The following PMFBP1 variants were observed in gnomAD, a reference collection of about 807,000 sequenced individuals.
PMFBP1 encodes polyamine-modulated factor 1-binding protein 1.
Under a neutral mutation model 137.8 loss-of-function variants are expected in PMFBP1, and 131 were observed. The ratio of observed to expected loss-of-function variants is 0.95; its 90% CI spans 0.82 to 1.10. The LOEUF is 1.10. Among genes scored for constraint, PMFBP1 ranks in the 50% least tolerant of loss-of-function variants. The pLI, the probability that PMFBP1 is intolerant of heterozygous loss-of-function variation, is 0.00. For missense variants in PMFBP1, 1,199 were observed against 1,175.4 expected, an observed-to-expected ratio of 1.02 and a Z score of -0.29; for synonymous variants, 490 against 450.4, an observed-to-expected ratio of 1.09 and a Z score of -1.11.
the PMFBP1 span, among the ~76,000 whole-genome samples, chr16:72,246,155 T>C: frequency 1.3e-5 from 2 of 152,212 alleles, no homozygotes; most frequent in Non-Finnish European, 2.9e-5. Context: ...CTAAGAAAAG[T>C]ACATTAACAG....
chr16:72,249,836 G>A, the PMFBP1 span, among the ~76,000 whole-genome samples: 3 of 135,304 alleles, frequency 2.2e-5, 1 homozygote, highest in Middle Eastern at 8.3e-3. Context: ...CAGGAGAATC[G>A]TTTGAACCCG....
At chr16:72,161,040 T>A (rs1362924364) in intron 3 of PMFBP1, among the ~76,000 whole-genome samples, 5 of 152,220 alleles carry the variant, frequency 3.3e-5, no homozygotes, top group Admixed American at 2.6e-4. Context: ...GTAAGTGAGA[T>A]ATTTCCTTTG....
At chr16:72,201,656 C>T in the PMFBP1 span, among the ~76,000 whole-genome samples, 2 of 152,348 alleles carry the variant, frequency 1.3e-5, no homozygotes, top group African/African-American at 4.8e-5. Flanking sequence ...CAGTGCATTT[C>T]CCACTTATAT....
the PMFBP1 span, among the ~76,000 whole-genome samples, chr16:72,194,813 C>T: frequency 6.6e-6 from 1 of 152,186 alleles, no homozygotes; most frequent in Admixed American, 6.5e-5. Flanking sequence ...GGGCAGAGAA[C>T]ACACCTCAGA....
the PMFBP1 span, among the ~76,000 whole-genome samples, chr16:72,238,607 T>G: frequency 6.6e-6 from 1 of 152,218 alleles, no homozygotes; most frequent in Non-Finnish European, 1.5e-5. Context: ...ATTATATATC[T>G]TGAGCTTTCA....
chr16:72,140,528 T>A lies in PMFBP1; in HGVS notation c.691A>T (p.Met231Leu). 1 of 1,613,494 alleles carries A rather than the reference T, an allele frequency of 6.2e-7. No individual in the cohort carries two copies. Among genetic ancestry groups the A allele is most frequent in the Non-Finnish European group, 8.5e-7 (1 of 1,179,400 alleles). ...SKVRIYTSPC[M>L]IQEHQETQKR... ...TGAGTCTCCTGATGCTCTTGAATCA[T>A]GCAAGGAGAAGTGTATATCCGTACC... is the stretch of plus-strand genomic sequence containing the variant. The change falls in exon 6 of 21, where the codon ATG (methionine) becomes TTG (leucine). Residue 231 changes from methionine (M) to leucine (L), a missense_variant. Transcript: ENST00000237353.
rs1469306969 is a variant in PMFBP1, at chr16:72,125,248, C to T, written c.2411G>A (p.Ser804Asn). 1.2e-6 allele frequency: 2 copies of T among 1,613,220 alleles called. No individual in the cohort carries two copies. The highest frequency in any genetic ancestry group is 1.7e-6 in the Non-Finnish European group (2 of 1,179,766). ...LRKLRGFHQE[S>N]ELEVHAFDKK... is the part of the protein sequence containing the mutation. Reference sequence around the variant, plus strand: ...CTGGCAGCTCCTCACCTCCAGCTCACTCTCCTGGTGGAAGCCCCGCAGTTT... The same window carrying T: ...CTGGCAGCTCCTCACCTCCAGCTCATTCTCCTGGTGGAAGCCCCGCAGTTT... The change falls in exon 16 of 21, where the codon AGT (serine) becomes AAT (asparagine). Residue 804 changes from serine (S) to asparagine (N), a missense_variant. Transcript: ENST00000237353.
the PMFBP1 span, among the ~76,000 whole-genome samples, chr16:72,229,442 CA>C: frequency 6.6e-6 from 1 of 152,210 alleles, no homozygotes. Context: ...CTGCTTTCCA[CA>C]AGGGCTGAAC....
At chr16:72,226,050 A>G in the PMFBP1 span, among the ~76,000 whole-genome samples, 1 of 151,994 alleles carries the variant, frequency 6.6e-6, no homozygotes, top group South Asian at 2.1e-4. Flanking sequence ...AGTTCTTCCT[A>G]TGAGCACTTT....
chr16:72,195,228 T>C, the PMFBP1 span, among the ~76,000 whole-genome samples: 5 of 152,216 alleles, frequency 3.3e-5, no homozygotes, highest in Non-Finnish European at 1.5e-5. Flanking sequence ...CAATAGGTCA[T>C]CTTTGCACCA....
chr16:72,124,710 C>A, intron 17 of PMFBP1, 57 bp downstream of exon 17: 2 of 1,580,562 alleles, frequency 1.3e-6, no homozygotes, highest in South Asian at 2.3e-5. Flanking sequence ...TTTGGGTGGT[C>A]ATAGGATGTG....
the PMFBP1 span, among the ~76,000 whole-genome samples, chr16:72,204,307 C>T: frequency 6.6e-6 from 1 of 151,916 alleles, no homozygotes; most frequent in Admixed American, 6.6e-5. Context: ...TCTGCCTCAG[C>T]CTTTTGAGCT....
chr16:72,130,194 A>G lies in PMFBP1; in HGVS notation c.1782+19T>C. ...AGCAGAGCAAGCACTTGAATGGGCC[A>G]TCTGCCTGCCCGTCATACCTGGTGC... On this transcript the variant is annotated intron_variant, in intron 12 of 20. Coordinates refer to ENST00000237353, the MANE Select transcript of PMFBP1 (RefSeq NM_031293.3). 6.2e-7 allele frequency: 1 copy of G among 1,609,644 alleles called. No homozygotes were observed. The highest frequency in any genetic ancestry group is 8.5e-7 in the Non-Finnish European group (1 of 1,179,956).
the PMFBP1 span, chr16:72,225,116 T>C: frequency 3.9e-5 from 6 of 152,192 alleles, no homozygotes; most frequent in Admixed American, 3.9e-4. Flanking sequence ...TCTGGTCCAG[T>C]GTTCTTTGCT....
chr16:72,222,404 A>G, the PMFBP1 span, among the ~76,000 whole-genome samples: 2 of 151,986 alleles, frequency 1.3e-5, no homozygotes, highest in African/African-American at 4.8e-5. Context: ...TCCTCCTTCT[A>G]TCTCTTATTT....
chr16:72,122,457 G>C (rs934138580), intron 19 of PMFBP1, among the ~76,000 whole-genome samples: 13 of 152,178 alleles, frequency 8.5e-5, no homozygotes, highest in African/African-American at 3.1e-4. Context: ...GACCATGAGG[G>C]GAAGCAAGAC....
intron 3 of PMFBP1, among the ~76,000 whole-genome samples, chr16:72,159,941 A>G (rs2043037411): frequency 6.6e-6 from 1 of 152,212 alleles, no homozygotes; most frequent in African/African-American, 2.4e-5. Context: ...TAAAATGACC[A>G]TCTGGAGTGA....
In PMFBP1 at chr16:72,122,296, T is replaced by C. The variant is rs2042387750; in HGVS notation, c.2768+618A>G. Among the ~76,000 whole-genome samples, 4 of 152,346 alleles carry C rather than the reference T, an allele frequency of 2.6e-5. No homozygotes were observed. The South Asian group carries it at 8.3e-4, about 32-fold the overall frequency. On this transcript the variant is annotated intron_variant, in intron 19 of 20. Transcript: ENST00000237353. ...GCATGGTTGTTTTCTAAGTGTTCCC[T>C]AAGAAAAGGTTGGGAAGCGCTGTCC...
chr16:72,169,998 G>C (rs1045315552), intron 2 of PMFBP1, among the ~76,000 whole-genome samples: 2 of 151,072 alleles, frequency 1.3e-5, no homozygotes, highest in South Asian at 2.1e-4. Flanking sequence ...ATGGAACGTG[G>C]GCTGATTTTT....
Sources: allele counts gnomAD v4.1 joint callset (sites outside exome capture counted in the v4.1 genomes callset), GRCh38; gene constraint gnomAD v4.1.1; transcripts MANE v1.5; gene names NCBI Gene and HGNC (gene_info 2026-07-23, HGNC 2026-07-21).